ABL2: variants seen among roughly 807,000 people sequenced by gnomAD.
The protein encoded by ABL2 is tyrosine-protein kinase ABL2.
ABL2 carries 49 observed loss-of-function variants against 107.7 expected under a neutral mutation model. The observed-to-expected ratio is 0.45, with a 90% confidence interval of 0.36 to 0.58. ABL2 has a LOEUF of 0.58. Ranked by LOEUF, ABL2 falls within the 20% of genes least tolerant of loss-of-function variation. The pLI, the probability that ABL2 is intolerant of heterozygous loss-of-function variation, is 0.00. For synonymous variants in ABL2, 549 were observed against 548.6 expected, an observed-to-expected ratio of 1.00 and a Z score of -0.01; for missense variants, 1,245 against 1,457.0, an observed-to-expected ratio of 0.85 and a Z score of 2.37.
At chr1:179,111,852 T>G (rs1245400547) in intron 10 of ABL2, among the ~76,000 whole-genome samples, 1 of 152,144 alleles carries the variant, frequency 6.6e-6, no homozygotes, top group Non-Finnish European at 1.5e-5. Context: ...GAGAGCAGTC[T>G]GGCCAACATG....
At chr1:179,169,792 C>A (rs1253418165) in intron 1 of ABL2, among the ~76,000 whole-genome samples, 1 of 151,898 alleles carries the variant, frequency 6.6e-6, no homozygotes, top group Non-Finnish European at 1.5e-5. Context: ...GCTTGTAATC[C>A]CAATACTTTG....
rs576324130 is a variant in ABL2, at chr1:179,179,243, T to C, written c.158-45869A>G. On this transcript the variant is annotated intron_variant, in intron 1 of 11. Transcript: ENST00000502732. ...ATTAACTCTGCAATTCTAAGCTTCC[T>C]ACCCAACGTCCCAATCCCATAATAG... Among the ~76,000 whole-genome samples, 82 of 152,322 alleles carry C rather than the reference T, an allele frequency of 5.4e-4. No individual in the cohort carries two copies. The Middle Eastern group carries it at 0.01, about 19-fold the overall frequency.
chr1:179,218,190 AG>A (rs1341824172), intron 1 of ABL2, among the ~76,000 whole-genome samples: 2 of 120,286 alleles, frequency 1.7e-5, no homozygotes, highest in Non-Finnish European at 3.8e-5. Context: ...TGATAACTCC[AG>A]ATTTTTTTCA....
chr1:179,136,737 T>TAAATAA (rs578174053), intron 1 of ABL2, among the ~76,000 whole-genome samples: 12 of 142,792 alleles, frequency 8.4e-5, no homozygotes, highest in African/African-American at 3.1e-4. Context: ...AATAAATAAA[T>TAAATAA]AAATAAAAAT....
At chr1:179,127,080 A>G (rs1655790847) in intron 3 of ABL2, among the ~76,000 whole-genome samples, 1 of 152,248 alleles carries the variant, frequency 6.6e-6, no homozygotes, top group South Asian at 2.1e-4. Flanking sequence ...ATATGATTCA[A>G]TGTTAACAAC....
At chr1:179,160,929 G>A (rs1012330449) in intron 1 of ABL2, among the ~76,000 whole-genome samples, 2 of 152,036 alleles carry the variant, frequency 1.3e-5, no homozygotes, top group Non-Finnish European at 2.9e-5. Flanking sequence ...GTAGAGACAG[G>A]GTCTCTGTTG....
rs569106848 is a variant in ABL2 at position 179,108,534 on chromosome 1, C to T, written c.2733G>A (p.Pro911=). Reference sequence around the variant, plus strand: ...CAGCCTTGGCTGGAGAAGGCCAGCCCGGCTGCTCTCCATCCTCTGGAACTC... The same window carrying T: ...CAGCCTTGGCTGGAGAAGGCCAGCCTGGCTGCTCTCCATCCTCTGGAACTC... ...MAGVPEDGEQ[P]GWPSPAKAAP... Residue 911 remains proline, a synonymous_variant, in exon 12 of 12, where the codon CCG becomes CCA. Coordinates refer to ENST00000502732, the MANE Select transcript of ABL2 (RefSeq NM_007314.4). 3.7e-6 allele frequency: 6 copies of T among 1,614,028 alleles called. No individual in the cohort carries two copies. The highest frequency in any genetic ancestry group is 3.3e-5 in the South Asian group (3 of 91,096).
chr1:179,190,415 A>AG (rs1323527180), intron 1 of ABL2, among the ~76,000 whole-genome samples: 4 of 152,228 alleles, frequency 2.6e-5, no homozygotes, highest in African/African-American at 9.6e-5. Context: ...GTGGGAGAAG[A>AG]GGGGCTGAGC....
chr1:179,164,577 A>G (rs1305972533), intron 1 of ABL2, among the ~76,000 whole-genome samples: 4 of 152,238 alleles, frequency 2.6e-5, no homozygotes, highest in African/African-American at 9.6e-5. Flanking sequence ...TTTCCCTAAT[A>G]GAATTCCCAA....
intron 1 of ABL2, among the ~76,000 whole-genome samples, chr1:179,164,895 T>TAC (rs1659288119): frequency 6.6e-6 from 1 of 152,246 alleles, no homozygotes; most frequent in South Asian, 2.1e-4. Context: ...ACCCTATATA[T>TAC]ACTATGCTTT....
chr1:179,126,370 G>C lies in ABL2; in HGVS notation c.687+7C>G. The stretch of plus-strand genomic sequence containing the variant: ...CATGCTTAAAGGTGGTGACCAGGGA[G>C]TCTTACCTTGCCATCTGCAGTGGTA... On this transcript the variant is annotated splice_region_variant and intron_variant, in intron 4 of 11. Coordinates refer to ENST00000502732, the MANE Select transcript of ABL2 (RefSeq NM_007314.4). This position sits in a 1 kb window ranked among gnomAD's most constrained non-coding sequence, Gnocchi z 4.4. 1 of 1,609,626 alleles carries C rather than the reference G, an allele frequency of 6.2e-7. No homozygotes were observed. Among genetic ancestry groups the C allele is most frequent in the Non-Finnish European group, 8.5e-7 (1 of 1,176,216 alleles).
chr1:179,121,624 T>A lies in ABL2; in HGVS notation c.931A>T (p.Ser311Cys). 1 of 1,614,232 alleles carries A rather than the reference T, an allele frequency of 6.2e-7. No homozygotes were observed. The highest frequency in any genetic ancestry group is 8.5e-7 in the Non-Finnish European group (1 of 1,180,026). Residue 311 changes from serine to cysteine, a missense_variant, in exon 5 of 12, where the codon AGC becomes TGC. Coordinates refer to ENST00000502732, the MANE Select transcript of ABL2 (RefSeq NM_007314.4). ...EVYVGVWKKY[S>C]LTVAVKTLKE... Reference sequence around the variant, plus strand: ...AATGTTTTCACAGCAACTGTAAGGCTGTATTTCTTCCAGACGCCAACGTAA... The same window carrying A: ...AATGTTTTCACAGCAACTGTAAGGCAGTATTTCTTCCAGACGCCAACGTAA...
intron 8 of ABL2, 79 bp from the exon 9 acceptor site, chr1:179,115,109 T>C: frequency 7.2e-6 from 10 of 1,386,442 alleles, no homozygotes; most frequent in African/African-American, 1.4e-5. Context: ...TTCTCTTTCA[T>C]ATTTTAGGTA....
At chr1:179,147,573 T>C (rs531097905) in intron 1 of ABL2, among the ~76,000 whole-genome samples, 1 of 152,314 alleles carries the variant, frequency 6.6e-6, no homozygotes, top group Admixed American at 6.5e-5. Context: ...AGCAACATGG[T>C]TGGAACTGGA....
intron 9 of ABL2, among the ~76,000 whole-genome samples, chr1:179,114,237 G>A (rs1002323489): frequency 2.6e-5 from 4 of 151,840 alleles, no homozygotes; most frequent in Non-Finnish European, 5.9e-5. Flanking sequence ...AACATAGTGA[G>A]AGTCCGTCTC....
In ABL2 at chr1:179,229,637, G is replaced by GCCGCCGCCGCCGCCA. The variant is rs1663448192; in HGVS notation, c.-241_-240insTGGCGGCGGCGGCGG. On this transcript the variant is annotated 5_prime_UTR_variant, in exon 1 of 12. Coordinates refer to ENST00000502732, the MANE Select transcript of ABL2 (RefSeq NM_007314.4). ...GTCGCGGCTCCGCGCCCCCAACGCC[G>GCCGCCGCCGCCGCCA]CCGCCGCCGCCGCCGCCACCGCCGC... 2.1e-6 allele frequency: 1 copy of GCCGCCGCCGCCGCCA among 485,906 alleles called. No individual in the cohort carries two copies. Among genetic ancestry groups the GCCGCCGCCGCCGCCA allele is most frequent in the Non-Finnish European group, 3.6e-6 (1 of 280,974 alleles). The allele number at this position is 485,906 out of a possible 1,614,324, so 30.1% of individuals were successfully genotyped here.
chr1:179,157,839 G>A (rs1658803563), intron 1 of ABL2, among the ~76,000 whole-genome samples: 1 of 151,952 alleles, frequency 6.6e-6, no homozygotes, highest in Non-Finnish European at 1.5e-5. Context: ...CAAAGTGCTA[G>A]GATAACAGGC....
At chr1:179,186,569 C>T (rs1409213539) in intron 1 of ABL2, among the ~76,000 whole-genome samples, 2 of 151,514 alleles carry the variant, frequency 1.3e-5, no homozygotes, top group Non-Finnish European at 2.9e-5. Context: ...TTAGTAGAGA[C>T]GGGGTTTCAC....
chr1:179,205,158 C>G (rs892159258), intron 1 of ABL2, among the ~76,000 whole-genome samples: 2 of 151,864 alleles, frequency 1.3e-5, no homozygotes, highest in Non-Finnish European at 2.9e-5. Flanking sequence ...TCCTGAGTAG[C>G]TGGGATTACA....
Sources: allele counts gnomAD v4.1 joint callset (sites outside exome capture counted in the v4.1 genomes callset), GRCh38; gene constraint gnomAD v4.1.1; non-coding constraint Gnocchi (gnomAD v3.1); transcripts MANE v1.5; gene names NCBI Gene and HGNC (gene_info 2026-07-23, HGNC 2026-07-21).